The following CDH8 variants were observed in gnomAD, a reference collection of about 807,000 sequenced individuals.
CDH8 encodes cadherin 8, also known as cadherin-8.
A neutral mutation model predicts 68.1 loss-of-function variants in CDH8; 17 were observed. The observed-to-expected ratio is 0.25, with a 90% CI of 0.17 to 0.37. CDH8 has a LOEUF of 0.37. Ranked by LOEUF, CDH8 falls within the 10% of genes least tolerant of loss-of-function variation. CDH8 has a pLI of 1.00. For synonymous variants in CDH8, 372 were observed against 365.1 expected (o/e 1.02, Z -0.21); for missense variants, 763 against 999.3 (o/e 0.76, Z 3.19).
At chr16:61,906,575 A>G (rs887383212) in intron 2 of CDH8, among the ~76,000 whole-genome samples, 2 of 152,332 alleles carry the variant, frequency 1.3e-5, no homozygotes, top group African/African-American at 4.8e-5. Flanking sequence ...CCATCCAATT[A>G]AAAGACAAGA....
chr16:61,906,402 C>A (rs1341961723), intron 2 of CDH8, among the ~76,000 whole-genome samples: 1 of 152,184 alleles, frequency 6.6e-6, no homozygotes, highest in Non-Finnish European at 1.5e-5. Context: ...CCACTGCAGC[C>A]TGGTTGGAGA....
intron 2 of CDH8, among the ~76,000 whole-genome samples, chr16:61,915,783 A>C (rs1964229868): frequency 6.6e-6 from 1 of 152,176 alleles, no homozygotes; most frequent in African/African-American, 2.4e-5. Context: ...CCTGTGGAGA[A>C]GAGGCTAAGG....
At chr16:61,810,972 C>A (rs562106789) in intron 7 of CDH8, among the ~76,000 whole-genome samples, 1 of 147,436 alleles carries the variant, frequency 6.8e-6, no homozygotes, top group Non-Finnish European at 1.5e-5. Context: ...TGCAGTGAGC[C>A]GAGATTGTGC....
intron 8 of CDH8, among the ~76,000 whole-genome samples, chr16:61,746,536 A>G (rs1342675750): frequency 6.8e-6 from 1 of 146,356 alleles, no homozygotes; most frequent in Non-Finnish European, 1.5e-5. Flanking sequence ...AGACGTAAAG[A>G]AAACACTTGA....
At chr16:61,745,595 C>CT (rs74264140) in intron 8 of CDH8, among the ~76,000 whole-genome samples, 2,302 of 139,986 alleles carry the variant, frequency 0.016, 55 homozygotes, top group African/African-American at 0.053. Flanking sequence ...TCTTTTCTTT[C>CT]TTTTTTTTTT....
At chr16:61,796,705 T>C (rs928461256) in intron 7 of CDH8, among the ~76,000 whole-genome samples, 45 of 152,054 alleles carry the variant, frequency 3.0e-4, no homozygotes, top group African/African-American at 9.9e-4. Context: ...TGGAAGTAAA[T>C]GCTAAGGAAC....
At chr16:61,878,956 A>C (rs963109789) in intron 3 of CDH8, among the ~76,000 whole-genome samples, 1 of 152,188 alleles carries the variant, frequency 6.6e-6, no homozygotes, top group African/African-American at 2.4e-5. Flanking sequence ...TCTATTTTAC[A>C]ACAGGCTATT....
At position 61,771,661 on chromosome 16, in the gene CDH8, TTGTCAAAAACA is replaced by T. The variant is rs557726828; in HGVS notation, c.1414+17674_1414+17684del. On this transcript the variant is annotated intron_variant, in intron 8 of 11. Transcript: ENST00000577390. Reference sequence around the variant, plus strand: ...GATTGATGAAGATTTGGCATTACCATTGTCAAAAACATGTCAAAAACATGTCAAGTGATATA... The same window carrying T: ...GATTGATGAAGATTTGGCATTACCATTGTCAAAAACATGTCAAGTGATATA... 1.7e-4 allele frequency among the ~76,000 whole-genome samples: 26 copies of T among 151,850 alleles called. No homozygotes were observed. The South Asian group carries it at 3.5e-3, about 21-fold the overall frequency.
At position 61,649,953 on chromosome 16, in the gene CDH8, T is replaced by G. The variant is rs1015828255; in HGVS notation, c.*3655A>C. 1 of 152,092 alleles carries G rather than the reference T, an allele frequency of 6.6e-6. No individual in the cohort carries two copies. Among genetic ancestry groups the G allele is most frequent in the African/African-American group, 2.4e-5 (1 of 41,422 alleles). 9.4% of individuals were successfully genotyped at this position (152,092 alleles called of 1,614,324 possible). On this transcript the variant is annotated 3_prime_UTR_variant, in exon 12 of 12. Coordinates refer to ENST00000577390, the MANE Select transcript of CDH8 (RefSeq NM_001796.5). ...TAAGCAGACTCTCCCAAAGACACAT[T>G]TGTATCTTTCTAAGCATTCTTGCTT...
At chr16:61,693,710 A>G (rs576631940) in intron 10 of CDH8, 14 of 152,338 alleles carry the variant, frequency 9.2e-5, no homozygotes, top group African/African-American at 3.4e-4. Flanking sequence ...ACAGACATAA[A>G]GAAGAGAAAG....
At chr16:61,714,560 G>A (rs1162024467) in intron 9 of CDH8, among the ~76,000 whole-genome samples, 1 of 151,170 alleles carries the variant, frequency 6.6e-6, no homozygotes, top group African/African-American at 2.4e-5. Context: ...TAAATTATAG[G>A]GATTAGAATT....
chr16:61,901,186 G>A lies in CDH8; in HGVS notation c.540C>T (p.Ser180=). The change falls in exon 3 of 12, where the codon TCC becomes TCT. Residue 180 remains serine (S), a synonymous_variant. Transcript: ENST00000577390. The part of the protein sequence containing the change: ...GPYHATVPEM[S]ILGTSVTNVT... ...AATTGGAAGCATACATACCCAAAAT[G>A]GACATTTCTGGCACAGTAGCATGAT... The A allele has an allele frequency of 6.2e-7, 1 of 1,612,510 alleles. No homozygotes were observed. Among genetic ancestry groups the A allele is most frequent in the African/African-American group, 1.3e-5 (1 of 74,886 alleles).
At chr16:61,851,320 C>T (rs901127422) in intron 4 of CDH8, among the ~76,000 whole-genome samples, 1 of 151,674 alleles carries the variant, frequency 6.6e-6, no homozygotes, top group East Asian at 1.9e-4. Context: ...GTTGTTTGTA[C>T]CCAATGAAGA....
intron 7 of CDH8, among the ~76,000 whole-genome samples, chr16:61,792,614 G>C (rs1250440490): frequency 6.6e-6 from 1 of 151,834 alleles, no homozygotes. Context: ...AAAACTCTTA[G>C]GAACTAGGAC....
intron 3 of CDH8, among the ~76,000 whole-genome samples, chr16:61,875,352 C>T (rs1963440796): frequency 6.6e-6 from 1 of 152,016 alleles, no homozygotes; most frequent in Non-Finnish European, 1.5e-5. Flanking sequence ...CAAGTATGGT[C>T]TCCAGACCAG....
chr16:61,694,419 G>A (rs1200566170), intron 10 of CDH8, among the ~76,000 whole-genome samples: 1 of 152,166 alleles, frequency 6.6e-6, no homozygotes, highest in Non-Finnish European at 1.5e-5. Flanking sequence ...TTTTCAAACT[G>A]TCTTGGATAG....
intron 2 of CDH8, among the ~76,000 whole-genome samples, chr16:61,907,016 C>A (rs1157009703): frequency 6.6e-6 from 1 of 152,282 alleles, no homozygotes; most frequent in South Asian, 2.1e-4. Context: ...AGAGTAAGAA[C>A]CCTGGTCTTC....
intron 2 of CDH8, among the ~76,000 whole-genome samples, chr16:62,004,895 T>C (rs938054986): frequency 1.2e-4 from 19 of 152,348 alleles, no homozygotes; most frequent in Middle Eastern, 3.4e-3. Context: ...GTGCTGACCC[T>C]TTTATAAAAT....
chr16:61,853,437 G>A (rs972033551), intron 4 of CDH8, among the ~76,000 whole-genome samples: 7 of 152,102 alleles, frequency 4.6e-5, no homozygotes, highest in African/African-American at 9.7e-5. Flanking sequence ...TTTATAAAGA[G>A]TATGAATGTG....
Sources: allele counts gnomAD v4.1 joint callset (sites outside exome capture counted in the v4.1 genomes callset), GRCh38; gene constraint gnomAD v4.1.1; transcripts MANE v1.5; gene names NCBI Gene and HGNC (gene_info 2026-07-23, HGNC 2026-07-21).